The following MICU3 variants were observed in gnomAD, a reference collection of about 807,000 sequenced individuals.
MICU3 encodes the protein calcium uptake protein 3, mitochondrial.
Under a neutral mutation model 66.5 loss-of-function variants are expected in MICU3, and 62 were observed. The ratio of observed to expected loss-of-function variants is 0.93; its 90% CI spans 0.76 to 1.15. MICU3 has a LOEUF of 1.15. Ranked by LOEUF, MICU3 falls within the 50% of genes most tolerant of loss-of-function variation. The pLI is 0.00. For synonymous variants in MICU3, 308 were observed against 240.7 expected, an observed-to-expected ratio of 1.28 and a Z score of -2.59; for missense variants, 779 against 664.4, an observed-to-expected ratio of 1.17 and a Z score of -1.90.
At chr8:17,047,200 A>C (rs1306252844) in intron 1 of MICU3, among the ~76,000 whole-genome samples, 1 of 152,234 alleles carries the variant, frequency 6.6e-6, no homozygotes, top group Non-Finnish European at 1.5e-5. Context: ...AGAATCAAAT[A>C]GAATTTCTAG....
rs76699119 is a variant in MICU3 at position 17,118,565 on chromosome 8, G to T, written c.1525-142G>T. ...GGTCACCTTCCCCCTTTCCTCCCCAGTCCCCCAGCCTTCCAGCCTCTGGTA... is the reference window on the plus strand; with the variant it reads ...GGTCACCTTCCCCCTTTCCTCCCCATTCCCCCAGCCTTCCAGCCTCTGGTA... On this transcript the variant is annotated intron_variant, in intron 13 of 14. Transcript: ENST00000318063. 6,792 of 474,582 alleles carry T rather than the reference G, an allele frequency of 0.014. 75 individuals carry two copies. The highest frequency in any genetic ancestry group is 0.026 in the Middle Eastern group (51 of 1,956). The allele number at this position is 474,582 out of a possible 1,614,324, so 29.4% of individuals were successfully genotyped here.
At chr8:17,136,862 GTCTC>G in the MICU3 span, among the ~76,000 whole-genome samples, 1 of 149,826 alleles carries the variant, frequency 6.7e-6, no homozygotes, top group Non-Finnish European at 1.5e-5. Flanking sequence ...TTGAGACGGA[GTCTC>G]TCTCTGTTGC....
At chr8:17,123,733 T>C (rs572588483), downstream of MICU3, among the ~76,000 whole-genome samples, 19 of 152,182 alleles carry the variant, frequency 1.2e-4, no homozygotes, top group Admixed American at 9.8e-4. Context: ...AATGAAATAC[T>C]ATATAACTAT....
In MICU3 at chr8:17,119,333, G is replaced by A. The variant is rs549059425; in HGVS notation, c.*558G>A. 3.0e-4 allele frequency among the ~76,000 whole-genome samples: 46 copies of A among 152,072 alleles called. 1 individual carries two copies. The highest frequency in any genetic ancestry group is 1.1e-3 in the African/African-American group (44 of 41,482). ...TTATTATTTATAACCCAAAAAATGTGTCAAACTTGTTTCTAATCTCCAAGC... is the reference window on the plus strand; with the variant it reads ...TTATTATTTATAACCCAAAAAATGTATCAAACTTGTTTCTAATCTCCAAGC... On this transcript the variant is annotated intron_variant, in intron 14 of 14. Coordinates refer to ENST00000318063, the MANE Select transcript of MICU3 (RefSeq NM_181723.3).
chr8:17,132,321 CCTT>C, the MICU3 span: 21 of 152,252 alleles, frequency 1.4e-4, no homozygotes, highest in African/African-American at 4.8e-4. Flanking sequence ...CTTATGGCTT[CCTT>C]CTTCTACTGT....
intron 14 of MICU3, among the ~76,000 whole-genome samples, chr8:17,119,975 AC>A (rs1408848906): frequency 6.6e-6 from 1 of 152,128 alleles, no homozygotes; most frequent in African/African-American, 2.4e-5. Context: ...AAAAAGGAGG[AC>A]CATTGTCTGG....
chr8:17,035,768 A>T (rs938356542), intron 1 of MICU3, among the ~76,000 whole-genome samples: 2 of 152,216 alleles, frequency 1.3e-5, no homozygotes, highest in Admixed American at 6.5e-5. Flanking sequence ...AAAAGTTCAG[A>T]AAGTTTGCAA....
chr8:17,099,797 C>T (rs1801099630), intron 9 of MICU3, among the ~76,000 whole-genome samples: 1 of 151,648 alleles, frequency 6.6e-6, no homozygotes, highest in Non-Finnish European at 1.5e-5. Flanking sequence ...GTCCTAGTTT[C>T]CATGCTTCAA....
chr8:17,030,365 C>T (rs763275813), intron 1 of MICU3, among the ~76,000 whole-genome samples: 2 of 152,210 alleles, frequency 1.3e-5, no homozygotes, highest in African/African-American at 2.4e-5. Context: ...TTCATCTGCA[C>T]GAAAGGGCTT....
chr8:17,086,748 T>C (rs1799511678), intron 6 of MICU3, among the ~76,000 whole-genome samples: 2 of 152,112 alleles, frequency 1.3e-5, no homozygotes, highest in African/African-American at 4.8e-5. Context: ...AACTGTGACA[T>C]TAAGTACATT....
In MICU3 at chr8:17,064,151, G is replaced by C. The variant is rs201654618; in HGVS notation, c.449G>C (p.Arg150Pro). ...LYATSRERRF[R>P]LFASIECEGQ... The stretch of plus-strand genomic sequence containing the variant: ...GCCACATCTCGGGAGAGGCGATTTC[G>C]TTTATTTGCTTCTATAGAATGTGAA... Residue 150 changes from arginine to proline, a missense_variant, in exon 2 of 15, where the codon CGT becomes CCT. Arg to Pro is a moderately radical substitution (Grantham distance 103). Coordinates refer to ENST00000318063, the MANE Select transcript of MICU3 (RefSeq NM_181723.3). 6.2e-7 allele frequency: 1 copy of C among 1,613,140 alleles called. No individual in the cohort carries two copies. Among genetic ancestry groups the C allele is most frequent in the South Asian group, 1.1e-5 (1 of 90,976 alleles).
chr8:17,130,340 A>G, the MICU3 span, among the ~76,000 whole-genome samples: 5 of 152,226 alleles, frequency 3.3e-5, no homozygotes, highest in South Asian at 4.2e-4. Context: ...CCTGGGCAAC[A>G]TGGTAAAACC....
chr8:17,111,114 T>A (rs532663022), intron 11 of MICU3, among the ~76,000 whole-genome samples: 8 of 152,306 alleles, frequency 5.3e-5, no homozygotes, highest in Non-Finnish European at 1.2e-4. Context: ...ATATTCAGCA[T>A]CTTTTTATAT....
chr8:17,040,643 GA>G (rs1389470183), intron 1 of MICU3, among the ~76,000 whole-genome samples: 4 of 151,922 alleles, frequency 2.6e-5, no homozygotes, highest in Admixed American at 1.3e-4. Context: ...ATAAACATAT[GA>G]AAAAAAATTC....
chr8:17,130,046 C>T, the MICU3 span, among the ~76,000 whole-genome samples: 1 of 152,188 alleles, frequency 6.6e-6, no homozygotes, highest in East Asian at 1.9e-4. Flanking sequence ...TATAAAGACA[C>T]CTTCCGATAA....
chr8:17,027,310 C>T lies in MICU3; in HGVS notation c.31C>T (p.Pro11Ser), dbSNP rs1174010179. The change falls in exon 1 of 15, where the codon CCA becomes TCA. Residue 11 changes from proline (P) to serine (S), a missense_variant. Physicochemically the swap from Pro to Ser is moderately conservative, Grantham distance 74. Coordinates refer to ENST00000318063, the MANE Select transcript of MICU3 (RefSeq NM_181723.3). MAALRRLLWP[P>S]PRVSPPLCAH... ...TGCGCTGCGAAGGCTCTTGTGGCCG[C>T]CACCCCGGGTGTCTCCTCCACTCTG... is the stretch of plus-strand genomic sequence containing the variant. The T allele has an allele frequency of 9.3e-6, 13 of 1,393,918 alleles. No homozygotes were observed. Among genetic ancestry groups the T allele is most frequent in the African/African-American group, 1.6e-5 (1 of 64,120 alleles). The allele number at this position is 1,393,918 out of a possible 1,614,324, so 86.3% of individuals were successfully genotyped here. A position where few individuals can be genotyped will look rare whatever the true frequency, so the allele number is the denominator to read the frequency against.
chr8:17,082,044 C>T (rs1821260952), intron 5 of MICU3: 1 of 217,566 alleles, frequency 4.6e-6, no homozygotes, highest in African/African-American at 2.4e-5. Flanking sequence ...TATAAATTCC[C>T]TACTGTACTC....
intron 1 of MICU3, among the ~76,000 whole-genome samples, chr8:17,033,973 GC>G (rs1021718376): frequency 6.6e-6 from 1 of 152,300 alleles, no homozygotes; most frequent in African/African-American, 2.4e-5. Flanking sequence ...AGATGAAACA[GC>G]CTGTTAGTGC....
chr8:17,083,581 G>A (rs1406821006), intron 5 of MICU3, among the ~76,000 whole-genome samples: 3 of 152,118 alleles, frequency 2.0e-5, no homozygotes, highest in Non-Finnish European at 2.9e-5. Context: ...GATGGAGTTG[G>A]TTAGTCAGAT....
Sources: allele counts gnomAD v4.1 joint callset (sites outside exome capture counted in the v4.1 genomes callset), GRCh38; gene constraint gnomAD v4.1.1; transcripts MANE v1.5; gene names NCBI Gene and HGNC (gene_info 2026-07-23, HGNC 2026-07-21).